Variants in C17orf67 observed in about 807,000 individuals in gnomAD.
C17orf67 encodes uncharacterized protein C17orf67.
A neutral mutation model predicts 11.2 loss-of-function variants in C17orf67; 12 were observed. The observed-to-expected ratio is 1.07, with a 90% CI of 0.68 to 1.73. The LOEUF is 1.73. C17orf67 is among the 40% of genes most tolerant of loss of function. The probability of loss-of-function intolerance (pLI) is 0.00; values close to 1 mark genes in which losing one functional copy is unlikely to be tolerated. For synonymous variants in C17orf67, 59 were observed against 46.9 expected (o/e 1.26, Z -1.05); for missense variants, 115 against 113.5 (o/e 1.01, Z -0.06).
At chr17:56,826,113 C>T (rs548148585) in intron 2 of C17orf67, among the ~76,000 whole-genome samples, 13 of 152,168 alleles carry the variant, frequency 8.5e-5, no homozygotes, top group Non-Finnish European at 1.6e-4. Flanking sequence ...CACCACCACA[C>T]CCAGCTAATT....
At chr17:56,793,245 G>A (rs981273439) in intron 7 of C17orf67, among the ~76,000 whole-genome samples, 2 of 152,006 alleles carry the variant, frequency 1.3e-5, no homozygotes, top group African/African-American at 4.8e-5. Context: ...ATTCAATTAG[G>A]CATTTTTTTC....
chr17:56,801,173 T>C (rs1424029229), intron 6 of C17orf67, among the ~76,000 whole-genome samples: 4 of 152,232 alleles, frequency 2.6e-5, no homozygotes, highest in African/African-American at 4.8e-5. Flanking sequence ...GCTGTAATTA[T>C]AGGATGTGAA....
intron 6 of C17orf67, among the ~76,000 whole-genome samples, chr17:56,808,082 G>A (rs1480409955): frequency 6.6e-6 from 1 of 151,916 alleles, no homozygotes; most frequent in Admixed American, 6.6e-5. Flanking sequence ...GAAAATGTGG[G>A]GTCAAGTTTA....
At chr17:56,821,010 A>C (rs868052374) in intron 4 of C17orf67, among the ~76,000 whole-genome samples, 2 of 152,072 alleles carry the variant, frequency 1.3e-5, no homozygotes, top group African/African-American at 4.8e-5. Context: ...CCTGGGTTCC[A>C]ATGATCCTCC....
intron 5 of C17orf67, 38 bp downstream of exon 5, chr17:56,815,718 C>G (rs1431901955): frequency 6.5e-7 from 1 of 1,550,264 alleles, no homozygotes; most frequent in Non-Finnish European, 8.8e-7. Flanking sequence ...TTTATCATGT[C>G]AGCATAGAAA....
intron 6 of C17orf67, among the ~76,000 whole-genome samples, chr17:56,797,676 T>G (rs2144112527): frequency 6.6e-6 from 1 of 152,236 alleles, no homozygotes; most frequent in East Asian, 1.9e-4. Context: ...AACCTGCAGC[T>G]CATCAGCCTC....
chr17:56,824,219 G>A (rs533954060), intron 4 of C17orf67, among the ~76,000 whole-genome samples: 2 of 152,146 alleles, frequency 1.3e-5, no homozygotes, highest in African/African-American at 2.4e-5. Flanking sequence ...TCCTGAAAGC[G>A]GGTTGTTATA....
Position 56,807,903 on chromosome 17 carries a change from T to TAATAAATAAATA in C17orf67, c.156+6954_156+6965dup, listed in dbSNP as rs58915926. Among the ~76,000 whole-genome samples, 119 of 144,510 alleles carry TAATAAATAAATA rather than the reference T, an allele frequency of 8.2e-4. 1 individual carries two copies. The highest frequency in any genetic ancestry group is 2.0e-3 in the African/African-American group (80 of 39,238). The allele number at this position is 144,510 out of a possible 152,430, so 94.8% of individuals were successfully genotyped here. A position where few individuals can be genotyped will look rare whatever the true frequency, so the allele number is the denominator to read the frequency against. ...AGACCCTGTCTCAAAAATAAATAAA[T>TAATAAATAAATA]AATAAATAAATAAATAAATAAATAA... is the stretch of plus-strand genomic sequence containing the variant. On this transcript the variant is annotated intron_variant, in intron 6 of 7. Transcript: ENST00000397861.
chr17:56,796,451 T>C (rs3867599), intron 6 of C17orf67, among the ~76,000 whole-genome samples: 2 of 152,138 alleles, frequency 1.3e-5, no homozygotes, highest in Non-Finnish European at 2.9e-5. Context: ...AGGACACTTA[T>C]GTCACAAAGG....
At chr17:56,821,116 T>A (rs1905894085) in intron 4 of C17orf67, among the ~76,000 whole-genome samples, 1 of 152,036 alleles carries the variant, frequency 6.6e-6, no homozygotes. Context: ...AGAAACAGGG[T>A]CTTGCTATGT....
At chr17:56,817,137 T>TGA in intron 4 of C17orf67, among the ~76,000 whole-genome samples, 1 of 151,660 alleles carries the variant, frequency 6.6e-6, no homozygotes, top group Admixed American at 6.6e-5. Context: ...ATTACAGGCA[T>TGA]GAGACACTGC....
At chr17:56,808,175 CCACCCCAT>C (rs1905503100) in intron 6 of C17orf67, among the ~76,000 whole-genome samples, 1 of 152,184 alleles carries the variant, frequency 6.6e-6, no homozygotes, top group East Asian at 1.9e-4. Context: ...TCAGCCCCCA[CCACCCCAT>C]ACAACACATC....
At chr17:56,812,188 C>A (rs953380225) in intron 6 of C17orf67, among the ~76,000 whole-genome samples, 1 of 152,214 alleles carries the variant, frequency 6.6e-6, no homozygotes, top group African/African-American at 2.4e-5. Context: ...ACACACACAG[C>A]GTGACAGAGA....
intron 6 of C17orf67, among the ~76,000 whole-genome samples, chr17:56,811,368 AC>A (rs1368488842): frequency 2.0e-5 from 3 of 151,660 alleles, no homozygotes; most frequent in African/African-American, 7.3e-5. Flanking sequence ...CCTCATCCCT[AC>A]CCCCTGCCCT....
At chr17:56,815,269 G>T (rs1409766948) in intron 5 of C17orf67, among the ~76,000 whole-genome samples, 1 of 152,120 alleles carries the variant, frequency 6.6e-6, no homozygotes, top group Admixed American at 6.5e-5. Flanking sequence ...TGGTCTGTGT[G>T]TCTTAGGTTT....
At chr17:56,802,859 C>T (rs1256570074) in intron 6 of C17orf67, among the ~76,000 whole-genome samples, 1 of 152,198 alleles carries the variant, frequency 6.6e-6, no homozygotes, top group African/African-American at 2.4e-5. Flanking sequence ...GCCCATAAGG[C>T]CAAACTATTT....
At chr17:56,797,134 C>T (rs755306484) in intron 6 of C17orf67, among the ~76,000 whole-genome samples, 13 of 152,268 alleles carry the variant, frequency 8.5e-5, no homozygotes, top group South Asian at 2.1e-4. Context: ...TTCTCAAAAA[C>T]GCAATTTCTC....
At chr17:56,827,578 A>C (rs911615358) in intron 2 of C17orf67, among the ~76,000 whole-genome samples, 1 of 152,248 alleles carries the variant, frequency 6.6e-6, no homozygotes, top group African/African-American at 2.4e-5. Flanking sequence ...GACCAAGTTA[A>C]AACAGTGATC....
intron 6 of C17orf67, among the ~76,000 whole-genome samples, chr17:56,809,713 TCACACATACACCCTCACACCCCTCTA>T (rs1303322968): frequency 1.7e-5 from 2 of 120,850 alleles, no homozygotes; most frequent in Non-Finnish European, 3.4e-5. Flanking sequence ...CACACACTCC[TCACACATACACCCTCACACCCCTCTA>T]CACACATACA....
Sources: allele counts gnomAD v4.1 joint callset (sites outside exome capture counted in the v4.1 genomes callset), GRCh38; gene constraint gnomAD v4.1.1; transcripts MANE v1.5; gene names NCBI Gene and HGNC (gene_info 2026-07-23, HGNC 2026-07-21).